The following TRIM71 variants were observed in gnomAD, a reference collection of about 807,000 sequenced individuals.
TRIM71 encodes tripartite motif containing 71, also known as E3 ubiquitin-protein ligase TRIM71.
Under a neutral mutation model 61.2 loss-of-function variants are expected in TRIM71, and 9 were observed. The ratio of observed to expected loss-of-function variants is 0.15; its 90% CI spans 0.09 to 0.26. The LOEUF (loss-of-function observed/expected upper bound fraction) is 0.26. TRIM71 is among the 10% of genes least tolerant of loss of function. TRIM71 has a pLI of 1.00. For missense variants in TRIM71, 998 were observed against 1,238.7 expected, an observed-to-expected ratio of 0.81 and a Z score of 2.92; for synonymous variants, 645 against 553.2, an observed-to-expected ratio of 1.17 and a Z score of -2.33.
intron 1 of TRIM71, among the ~76,000 whole-genome samples, chr3:32,832,818 A>G (rs1323685308): frequency 1.3e-5 from 2 of 152,162 alleles, no homozygotes; most frequent in African/African-American, 4.8e-5. Context: ...ACGATTGATA[A>G]CATTGAAGAA....
chr3:32,855,242 A>G (rs897406156), intron 1 of TRIM71, among the ~76,000 whole-genome samples: 1 of 152,056 alleles, frequency 6.6e-6, no homozygotes, highest in Non-Finnish European at 1.5e-5. Context: ...CTAGATACAC[A>G]TTTTCAGGGA....
chr3:32,852,876 T>G (rs531121454), intron 1 of TRIM71, among the ~76,000 whole-genome samples: 1 of 152,216 alleles, frequency 6.6e-6, no homozygotes, highest in South Asian at 2.1e-4. Flanking sequence ...CAAAAGGTAT[T>G]TGCAATTAAA....
intron 1 of TRIM71, among the ~76,000 whole-genome samples, chr3:32,832,295 C>T (rs999799691): frequency 6.6e-6 from 1 of 152,162 alleles, no homozygotes; most frequent in East Asian, 1.9e-4. Flanking sequence ...AAGCAAGACC[C>T]TGTCCGTACA....
intron 1 of TRIM71, among the ~76,000 whole-genome samples, chr3:32,859,922 C>T (rs1559544661): frequency 6.6e-6 from 1 of 152,072 alleles, no homozygotes; most frequent in Non-Finnish European, 1.5e-5. Context: ...CATGTGATTC[C>T]TGCATGGGCT....
chr3:32,849,742 C>A (rs1398781690), intron 1 of TRIM71, among the ~76,000 whole-genome samples: 1 of 152,014 alleles, frequency 6.6e-6, no homozygotes, highest in Non-Finnish European at 1.5e-5. Flanking sequence ...CTTTTTTTGT[C>A]CGGTGGGGTA....
chr3:32,881,003 A>C (rs191947275), intron 2 of TRIM71, among the ~76,000 whole-genome samples: 2 of 151,794 alleles, frequency 1.3e-5, no homozygotes, highest in Non-Finnish European at 2.9e-5. Flanking sequence ...AGATGTGATG[A>C]AAATTTTATA....
chr3:32,827,367 G>A (rs1198077818), intron 1 of TRIM71, among the ~76,000 whole-genome samples: 2 of 149,914 alleles, frequency 1.3e-5, no homozygotes, highest in African/African-American at 2.5e-5. Flanking sequence ...GGGTTCAAGC[G>A]ATTCTCCTGC....
rs1204750319 is a variant in TRIM71, at chr3:32,853,116, CTCTCTTT to C, written c.853-20700_853-20694del. Among the ~76,000 whole-genome samples, 14 of 37,678 alleles carry C rather than the reference CTCTCTTT, an allele frequency of 3.7e-4. 1 individual carries two copies. Among genetic ancestry groups the C allele is most frequent in the South Asian group, 2.4e-3 (1 of 412 alleles). 24.7% of individuals were successfully genotyped at this position (37,678 alleles called of 152,430 possible). On this transcript the variant is annotated intron_variant, in intron 1 of 3. Transcript: ENST00000383763. ...TCTTGGAGATTATTTCTCTCTCTCTCTCTCTTTTTTTTTTTTTTTTGAGACAGTCTCA... is the reference window on the plus strand; with the variant it reads ...TCTTGGAGATTATTTCTCTCTCTCTCTTTTTTTTTTTTTGAGACAGTCTCA...
intron 1 of TRIM71, among the ~76,000 whole-genome samples, chr3:32,852,374 G>T (rs1345263928): frequency 6.6e-6 from 1 of 152,178 alleles, no homozygotes; most frequent in Admixed American, 6.5e-5. Flanking sequence ...TGAGGGTGTT[G>T]TGTAGAAATT....
chr3:32,851,130 C>A (rs1319185806), intron 1 of TRIM71, among the ~76,000 whole-genome samples: 3 of 152,128 alleles, frequency 2.0e-5, no homozygotes, highest in Non-Finnish European at 4.4e-5. Context: ...CATTTTAAAA[C>A]CTTGTGTTTC....
At chr3:32,858,375 TC>T (rs1696629805) in intron 1 of TRIM71, among the ~76,000 whole-genome samples, 1 of 152,216 alleles carries the variant, frequency 6.6e-6, no homozygotes, top group Non-Finnish European at 1.5e-5. Flanking sequence ...AGTTGTTTTT[TC>T]TTTCAAGGCT....
chr3:32,865,152 A>G (rs1696718477), intron 1 of TRIM71, among the ~76,000 whole-genome samples: 1 of 151,588 alleles, frequency 6.6e-6, no homozygotes, highest in African/African-American at 2.4e-5. Flanking sequence ...ACACGATGAA[A>G]CCCCGTCTCT....
At chr3:32,874,609 G>T (rs955467844) in intron 2 of TRIM71, among the ~76,000 whole-genome samples, 1 of 151,822 alleles carries the variant, frequency 6.6e-6, no homozygotes, top group Non-Finnish European at 1.5e-5. Context: ...TGCAAGCTCC[G>T]CCTCCCAGGT....
At chr3:32,844,605 C>T (rs958160179) in intron 1 of TRIM71, among the ~76,000 whole-genome samples, 31 of 152,198 alleles carry the variant, frequency 2.0e-4, no homozygotes, top group African/African-American at 7.5e-4. Flanking sequence ...AGTGACCCAC[C>T]GAGCCTGGCC....
chr3:32,877,375 A>C (rs1404425404), intron 2 of TRIM71, among the ~76,000 whole-genome samples: 4 of 151,200 alleles, frequency 2.6e-5, no homozygotes, highest in African/African-American at 9.8e-5. Context: ...AAGTGTTGGG[A>C]TATCAGGTGT....
rs1697013260 is a variant in TRIM71 at position 32,890,551 on chromosome 3, C to T, written c.1347C>T (p.Ser449=). The T allele has an allele frequency of 6.2e-7, 1 of 1,614,062 alleles. No individual in the cohort carries two copies. Among genetic ancestry groups the T allele is most frequent in the Non-Finnish European group, 8.5e-7 (1 of 1,180,040 alleles). The stretch of plus-strand genomic sequence containing the variant: ...TGCAGGAGCTGAAGACCGTGCGGAG[C>T]CTCCTGCAGCCCCAGGAAGACGACC... The part of the protein sequence containing the change: ...AQVQELKTVR[S]LLQPQEDDRV... Residue 449 remains serine, a synonymous_variant, in exon 4 of 4, where the codon AGC becomes AGT. Coordinates refer to ENST00000383763, the MANE Select transcript of TRIM71 (RefSeq NM_001039111.3). This position sits in a 1 kb window ranked among gnomAD's most constrained non-coding sequence, Gnocchi z 6.2.
chr3:32,825,519 A>C (rs1170257205), intron 1 of TRIM71, among the ~76,000 whole-genome samples: 5 of 152,178 alleles, frequency 3.3e-5, no homozygotes, highest in African/African-American at 1.2e-4. Flanking sequence ...TAGCAAATAA[A>C]GGACCATTTC....
chr3:32,843,736 T>TCTGGA (rs1282559299), intron 1 of TRIM71, among the ~76,000 whole-genome samples: 3 of 152,188 alleles, frequency 2.0e-5, no homozygotes, highest in African/African-American at 7.2e-5. Context: ...CAAGTAACAT[T>TCTGGA]CTGGAGGAGT....
Position 32,890,839 on chromosome 3 carries a change from T to C in TRIM71, c.1635T>C (p.Asn545=), listed in dbSNP as rs759159368. 5 of 1,614,074 alleles carry C rather than the reference T, an allele frequency of 3.1e-6. No individual in the cohort carries two copies. The African/African-American group carries it at 5.3e-5, about 17-fold the overall frequency. Residue 545 remains asparagine, a synonymous_variant, in exon 4 of 4, where the codon AAT becomes AAC. Coordinates refer to ENST00000383763, the MANE Select transcript of TRIM71 (RefSeq NM_001039111.3). This position sits in a 1 kb window ranked among gnomAD's most constrained non-coding sequence, Gnocchi z 6.2. ...GTGCAGAGGTGAGTGATCAGCAGAATGGGACATACGTGGTGAGTTACCGAC... is the reference window on the plus strand; with the variant it reads ...GTGCAGAGGTGAGTGATCAGCAGAACGGGACATACGTGGTGAGTTACCGAC... The part of the protein sequence containing the change: ...LFGAEVSDQQ[N]GTYVVSYRPQ...
Sources: allele counts gnomAD v4.1 joint callset (sites outside exome capture counted in the v4.1 genomes callset), GRCh38; gene constraint gnomAD v4.1.1; non-coding constraint Gnocchi (gnomAD v3.1); transcripts MANE v1.5; gene names NCBI Gene and HGNC (gene_info 2026-07-23, HGNC 2026-07-21).